GZMK: variants seen among roughly 807,000 people sequenced by gnomAD.
The protein encoded by GZMK is granzyme K.
GZMK carries 18 observed loss-of-function variants against 22.8 expected under a neutral mutation model. The observed-to-expected ratio is 0.79, with a 90% CI of 0.54 to 1.17. The LOEUF is 1.17. GZMK is among the 50% of genes most tolerant of loss of function. The pLI is 0.00. For synonymous variants in GZMK, 136 were observed against 115.0 expected (o/e 1.18, Z -1.17); for missense variants, 342 against 320.2 (o/e 1.07, Z -0.52).
At chr5:55,031,255 C>A in intron 3 of GZMK, 109 bp from the exon 4 acceptor site, 1 of 900,248 alleles carries the variant, frequency 1.1e-6, no homozygotes, top group Non-Finnish European at 1.7e-6. Flanking sequence ...AAAGTAGATC[C>A]CAGAACAGGG....
intron 4 of GZMK, among the ~76,000 whole-genome samples, chr5:55,033,530 A>G (rs1042814871): frequency 2.6e-5 from 4 of 152,254 alleles, no homozygotes; most frequent in African/African-American, 4.8e-5. Context: ...AGGCATAGTC[A>G]TAGTCATAGA....
rs1007339559 is a variant in GZMK at position 55,024,394 on chromosome 5, T to A, written c.64+8T>A. ...CTTATATGACTCATGTGTGTAAGTA[T>A]CTCCTATATCTACATGTAAACATTA... On this transcript the variant is annotated splice_region_variant and intron_variant, in intron 1 of 4. Transcript: ENST00000231009. The A allele has an allele frequency of 2.4e-6, 3 of 1,224,842 alleles. No individual in the cohort carries two copies. Among genetic ancestry groups the A allele is most frequent in the Non-Finnish European group, 3.6e-6 (3 of 830,800 alleles). The allele number at this position is 1,224,842 out of a possible 1,614,324, so 75.9% of individuals were successfully genotyped here.
At position 55,030,461 on chromosome 5, in the gene GZMK, G is replaced by A; in HGVS notation, c.240G>A (p.Val80=). The part of the protein sequence containing the change: ...YRFTKGQSPT[V]VLGAHSLSKN... Reference sequence around the variant, plus strand: ...TTACCAAAGGCCAGTCTCCCACTGTGGTTTTAGGCGCACACTCTCTCTCAA... The same window carrying A: ...TTACCAAAGGCCAGTCTCCCACTGTAGTTTTAGGCGCACACTCTCTCTCAA... The change falls in exon 3 of 5, where the codon GTG becomes GTA. Residue 80 remains valine (V), a synonymous_variant. Transcript: ENST00000231009. The A allele has an allele frequency of 6.2e-7, 1 of 1,613,796 alleles. No homozygotes were observed.
intron 2 of GZMK, chr5:55,026,795 G>A (rs976059571): frequency 6.6e-6 from 1 of 152,154 alleles, no homozygotes; most frequent in Non-Finnish European, 1.5e-5. Flanking sequence ...GATAAAAAAT[G>A]TCCTGTACAA....
intron 2 of GZMK, chr5:55,026,919 C>G (rs1186455552): frequency 6.6e-6 from 1 of 152,312 alleles, no homozygotes; most frequent in Non-Finnish European, 1.5e-5. Flanking sequence ...CTGCCCCAAC[C>G]TGCCTAGCAA....
intron 2 of GZMK, among the ~76,000 whole-genome samples, chr5:55,030,076 A>G (rs996194192): frequency 1.3e-5 from 2 of 152,204 alleles, no homozygotes; most frequent in Non-Finnish European, 2.9e-5. Context: ...TCAAACTACA[A>G]ACTCAAGGAA....
Position 55,031,451 on chromosome 5 carries a change from G to C in GZMK, c.451G>C (p.Val151Leu), listed in dbSNP as rs769889388. The C allele has an allele frequency of 6.2e-7, 1 of 1,613,904 alleles. No homozygotes were observed. The highest frequency in any genetic ancestry group is 1.7e-5 in the Admixed American group (1 of 60,018). The change falls in exon 4 of 5, where the codon GTT becomes CTT. Residue 151 changes from valine to leucine, a missense_variant. Transcript: ENST00000231009. ...TCTTAGATCTGGAACCAAATGCAAG[G>C]TTACTGGCTGGGGAGCCACCGATCC... ...TSLRSGTKCKVTGWGATDPDS... is the reference protein window; with the variant it reads ...TSLRSGTKCKLTGWGATDPDS...
intron 2 of GZMK, among the ~76,000 whole-genome samples, chr5:55,026,411 T>A (rs1324927496): frequency 1.4e-4 from 16 of 111,610 alleles, no homozygotes; most frequent in African/African-American, 1.1e-3. Flanking sequence ...GAGTTTTTTG[T>A]GTTTTGTTTT....
intron 1 of GZMK, 87 bp from the exon 2 acceptor site, chr5:55,024,573 A>C: frequency 9.7e-7 from 1 of 1,034,372 alleles, no homozygotes; most frequent in South Asian, 1.6e-5. Flanking sequence ...TTAAGCTTTG[A>C]AAATAATATA....
rs763434219 is a variant in GZMK at position 55,031,518 on chromosome 5, T to C, written c.518T>C (p.Val173Ala). 8 of 1,614,124 alleles carry C rather than the reference T, an allele frequency of 5.0e-6. No homozygotes were observed. Among genetic ancestry groups the C allele is most frequent in the South Asian group, 3.3e-5 (3 of 91,080 alleles). The change falls in exon 4 of 5, where the codon GTT becomes GCT. Residue 173 changes from valine to alanine, a missense_variant. By Grantham distance (64) the Val-to-Ala change is moderately conservative (BLOSUM62 0). Coordinates refer to ENST00000231009, the MANE Select transcript of GZMK (RefSeq NM_002104.3). ...RPSDTLREVT[V>A]TVLSRKLCNS... ...TCTGACACCCTGCGAGAAGTCACTG[T>C]TACTGTCCTAAGTCGAAAACTTTGC...
At chr5:55,033,473 A>G (rs1561259427) in intron 4 of GZMK, among the ~76,000 whole-genome samples, 2 of 152,246 alleles carry the variant, frequency 1.3e-5, no homozygotes, top group Non-Finnish European at 2.9e-5. Flanking sequence ...GTAGACATAG[A>G]TAGGGACAAA....
Position 55,030,497 on chromosome 5 carries a change from C to A in GZMK, c.276C>A (p.Ala92=). Residue 92 remains alanine, a synonymous_variant, in exon 3 of 5, where the codon GCC becomes GCA. Transcript: ENST00000231009. Reference sequence around the variant, plus strand: ...CACACTCTCTCTCAAAGAATGAGGCCTCCAAACAAACACTGGAGATCAAAA... The same window carrying A: ...CACACTCTCTCTCAAAGAATGAGGCATCCAAACAAACACTGGAGATCAAAA... The part of the protein sequence containing the change: ...LGAHSLSKNE[A]SKQTLEIKKF... The A allele has an allele frequency of 6.2e-7, 1 of 1,612,994 alleles. No individual in the cohort carries two copies. Among genetic ancestry groups the A allele is most frequent in the Non-Finnish European group, 8.5e-7 (1 of 1,178,978 alleles).
chr5:55,033,902 C>A lies in GZMK; in HGVS notation c.771C>A (p.Asn257Lys). 1 of 1,600,894 alleles carries A rather than the reference C, an allele frequency of 6.2e-7. No individual in the cohort carries two copies. The highest frequency in any genetic ancestry group is 1.1e-5 in the South Asian group (1 of 87,942). ...TKKYQTWIKS[N>K]LVPPHTN ...AATACCAGACTTGGATCAAAAGCAA[C>A]CTTGTCCCGCCTCATACAAATTAAG... is the stretch of plus-strand genomic sequence containing the variant. Residue 257 changes from asparagine (N) to lysine (K), a missense_variant, in exon 5 of 5, where the codon AAC becomes AAA. By Grantham distance (94) the Asn-to-Lys change is moderately conservative. Transcript: ENST00000231009.
chr5:55,030,114 G>T (rs1220465462), intron 2 of GZMK, among the ~76,000 whole-genome samples: 2 of 152,102 alleles, frequency 1.3e-5, no homozygotes, highest in Non-Finnish European at 2.9e-5. Context: ...TTACATAAAT[G>T]AACATAATTT....
In GZMK at chr5:55,024,791, G is replaced by A. The variant is rs751669883; in HGVS notation, c.196G>A (p.Ala66Thr). Residue 66 changes from alanine to threonine, a missense_variant, in exon 2 of 5, where the codon GCC (alanine) becomes ACC (threonine). Ala to Thr is a moderately conservative substitution (Grantham distance 58, BLOSUM62 0). Transcript: ENST00000231009. ...LIDPQWVLTAAHCQYRFTKGQ... is the reference protein window; with the variant it reads ...LIDPQWVLTATHCQYRFTKGQ... ...TGATCCACAGTGGGTGCTGACAGCA[G>A]CCCACTGCCAATATCGGTGAGTCCT... The A allele has an allele frequency of 5.0e-6, 8 of 1,599,484 alleles. No homozygotes were observed. Among genetic ancestry groups the A allele is most frequent in the Non-Finnish European group, 6.0e-6 (7 of 1,170,552 alleles).
intron 1 of GZMK, 50 bp downstream of exon 1, chr5:55,024,436 C>A: frequency 1.1e-6 from 1 of 897,706 alleles, no homozygotes; most frequent in Non-Finnish European, 1.8e-6. Context: ...TTTCTACTGA[C>A]TATATTGTTA....
chr5:55,031,599 CA>C lies in GZMK; in HGVS notation c.600del (p.Gly201GlufsTer18). On this transcript the variant is annotated frameshift_variant, in exon 4 of 5. Coordinates refer to ENST00000231009, the MANE Select transcript of GZMK (RefSeq NM_002104.3). LOFTEE classifies it low-confidence loss of function (END_TRUNC). ...DPFITKDMVC[A>X]GDAKGQKDSC... The stretch of plus-strand genomic sequence containing the variant: ...TTTATCACCAAAGACATGGTCTGTG[CA>C]GGAGATGCCAAAGGCCAGAAGGATT... 6.2e-7 allele frequency: 1 copy of C among 1,613,744 alleles called. No individual in the cohort carries two copies. Among genetic ancestry groups the C allele is most frequent in the Non-Finnish European group, 8.5e-7 (1 of 1,179,654 alleles).
chr5:55,033,601 T>C, intron 4 of GZMK, 164 bp from the exon 5 acceptor site: 1 of 552,670 alleles, frequency 1.8e-6, no homozygotes, highest in South Asian at 2.8e-5. Flanking sequence ...GACAGGCACA[T>C]GGACAACCTA....
chr5:55,025,096 AC>A (rs1741124285), intron 2 of GZMK: 1 of 220,328 alleles, frequency 4.5e-6, no homozygotes, highest in Non-Finnish European at 8.9e-6. Flanking sequence ...AGTACTCTTG[AC>A]CTTGTTAGAT....
Sources: gnomAD v4.1 joint callset for allele counts (sites outside exome capture counted in the v4.1 genomes callset) on GRCh38, gnomAD v4.1.1 for gene constraint, MANE v1.5 for transcripts, NCBI Gene and HGNC (gene_info 2026-07-23, HGNC 2026-07-21) for gene names.